Variants in COL22A1 observed in about 807,000 individuals in gnomAD.
COL22A1 encodes collagen alpha-1(XXII) chain.
Under a neutral mutation model 248.9 loss-of-function variants are expected in COL22A1, and 221 were observed. That is an observed-to-expected ratio of 0.89 (90% CI 0.80 to 0.99). COL22A1 has a LOEUF of 0.99. Among genes scored for constraint, COL22A1 ranks in the 50% least tolerant of loss-of-function variants. COL22A1 has a pLI of 0.00. For missense variants in COL22A1, 2,240 were observed against 2,179.0 expected (o/e 1.03, Z -0.56); for synonymous variants, 891 against 793.4 (o/e 1.12, Z -2.07).
intron 1 of COL22A1, among the ~76,000 whole-genome samples, chr8:138,895,634 A>G (rs1198374210): frequency 2.0e-5 from 3 of 152,188 alleles, no homozygotes; most frequent in Non-Finnish European, 4.4e-5. Flanking sequence ...GCAAGAAAAC[A>G]GACTGGAAAA....
chr8:138,751,804 A>G (rs1832629545), intron 21 of COL22A1, among the ~76,000 whole-genome samples: 1 of 152,238 alleles, frequency 6.6e-6, no homozygotes, highest in South Asian at 2.1e-4. Flanking sequence ...CACAAAGCAC[A>G]CAGAAGCGAA....
chr8:138,638,509 T>C (rs915382145), intron 47 of COL22A1, among the ~76,000 whole-genome samples: 3 of 152,202 alleles, frequency 2.0e-5, no homozygotes, highest in African/African-American at 7.2e-5. Flanking sequence ...CAGACTGTTC[T>C]ACCACCTCAG....
At chr8:138,692,256 G>GTGTA (rs1564201653) in intron 35 of COL22A1, among the ~76,000 whole-genome samples, 13 of 115,130 alleles carry the variant, frequency 1.1e-4, no homozygotes, top group Admixed American at 3.5e-4. Context: ...ACGTATGTGT[G>GTGTA]CGTGTGTGCA....
At chr8:138,811,319 A>G (rs1818203299) in intron 9 of COL22A1, among the ~76,000 whole-genome samples, 1 of 149,378 alleles carries the variant, frequency 6.7e-6, no homozygotes, top group South Asian at 2.2e-4. Flanking sequence ...ATACATACAC[A>G]CACATATATA....
chr8:138,604,711 G>A (rs754606875), intron 59 of COL22A1, 23 bp downstream of exon 59: 11 of 1,610,940 alleles, frequency 6.8e-6, no homozygotes, highest in South Asian at 6.6e-5. Context: ...TTGCCAAGGG[G>A]TGAGTGGGCG....
chr8:138,840,838 C>A (rs1326851830), intron 4 of COL22A1, among the ~76,000 whole-genome samples: 1 of 152,142 alleles, frequency 6.6e-6, no homozygotes, highest in Non-Finnish European at 1.5e-5. Context: ...TCTTGAACTC[C>A]TGAGCTTAAG....
intron 7 of COL22A1, among the ~76,000 whole-genome samples, chr8:138,815,977 A>C (rs778402755): frequency 2.0e-5 from 3 of 152,160 alleles, no homozygotes; most frequent in Non-Finnish European, 4.4e-5. Context: ...GTTCAGCAGA[A>C]ACAATAACAA....
rs181587607 is a variant in COL22A1 at position 138,724,818 on chromosome 8, C to T, written c.2194-150G>A. The T allele has an allele frequency of 5.4e-3, 3,827 of 713,568 alleles. 13 individuals carry two copies. Among genetic ancestry groups the T allele is most frequent in the Non-Finnish European group, 7.2e-3 (2,954 of 412,488 alleles). The allele number at this position is 713,568 out of a possible 1,614,324, so 44.2% of individuals were successfully genotyped here. On this transcript the variant is annotated intron_variant, in intron 24 of 64. Transcript: ENST00000303045. ...GTCCTTGGTCATCCGCTGTGAAACG[C>T]GGAGTTGTTGCACCTCTGAAGTTGA...
At chr8:138,909,903 C>T (rs1379485320) in intron 1 of COL22A1, among the ~76,000 whole-genome samples, 2 of 152,172 alleles carry the variant, frequency 1.3e-5, no homozygotes, top group South Asian at 2.1e-4. Flanking sequence ...AATACCAATG[C>T]CCTCTGACCC....
chr8:138,662,225 C>T (rs1587800885), intron 42 of COL22A1, 142 bp from the exon 43 acceptor site: 2 of 656,268 alleles, frequency 3.0e-6, no homozygotes, highest in Non-Finnish European at 5.3e-6. Flanking sequence ...GCCAAAGCAC[C>T]CTGCTCAGAG....
intron 12 of COL22A1, among the ~76,000 whole-genome samples, chr8:138,794,255 T>TGC (rs1816305526): frequency 6.6e-6 from 1 of 152,034 alleles, no homozygotes; most frequent in Non-Finnish European, 1.5e-5. Flanking sequence ...AGCATGGTGA[T>TGC]GCACGCCTGT....
chr8:138,712,910 T>C (rs920179125), intron 30 of COL22A1, among the ~76,000 whole-genome samples: 3 of 152,116 alleles, frequency 2.0e-5, no homozygotes, highest in African/African-American at 7.2e-5. Flanking sequence ...AGAGGGTACA[T>C]GTTCTATCAG....
At chr8:138,705,831 A>G (rs1828381334) in intron 30 of COL22A1, among the ~76,000 whole-genome samples, 1 of 152,190 alleles carries the variant, frequency 6.6e-6, no homozygotes, top group South Asian at 2.1e-4. Context: ...AAAGACACAG[A>G]CTGGCAAATT....
intron 35 of COL22A1, 88 bp downstream of exon 35, chr8:138,693,558 A>C: frequency 1.5e-6 from 2 of 1,374,184 alleles, no homozygotes; most frequent in Non-Finnish European, 2.0e-6. Context: ...TAGCTAGCCC[A>C]GAGCTGTGAG....
chr8:138,833,189 G>T, intron 4 of COL22A1, 39 bp from the exon 5 acceptor site: 1 of 1,427,882 alleles, frequency 7.0e-7, no homozygotes, highest in Non-Finnish European at 9.9e-7. Flanking sequence ...TTTGGAGAAG[G>T]AAGAGTATAA....
At position 138,646,653 on chromosome 8, in the gene COL22A1, C is replaced by A. The variant is rs373272437; in HGVS notation, c.3477G>T (p.Gly1159=). The A allele has an allele frequency of 3.2e-5, 51 of 1,583,754 alleles. No homozygotes were observed. The Admixed American group carries it at 5.1e-4, about 16-fold the overall frequency. The change falls in exon 47 of 65, where the codon GGG becomes GGT. Residue 1159 remains glycine (G), a synonymous_variant. Coordinates refer to ENST00000303045, the MANE Select transcript of COL22A1 (RefSeq NM_152888.3). ...CCTGTGGTCCAGCTATTCCTGGGGG[C>A]CCTGGTAGGCCTGGAGGCCCAGCCT... The part of the protein sequence containing the change: ...KGEAGPPGLP[G]PPGIAGPQGS...
intron 4 of COL22A1, among the ~76,000 whole-genome samples, chr8:138,841,922 A>G (rs1820912758): frequency 6.6e-6 from 1 of 152,194 alleles, no homozygotes; most frequent in South Asian, 2.1e-4. Context: ...TTCCCTTCCT[A>G]TGGCAGGAAA....
chr8:138,761,246 G>A (rs751696753), intron 17 of COL22A1, among the ~76,000 whole-genome samples: 1 of 152,098 alleles, frequency 6.6e-6, no homozygotes, highest in African/African-American at 2.4e-5. Context: ...ATCACCAAGC[G>A]GGTATTTCCA....
At chr8:138,742,964 A>AGGG (rs1831766581) in intron 22 of COL22A1, among the ~76,000 whole-genome samples, 1 of 145,836 alleles carries the variant, frequency 6.9e-6, no homozygotes, top group Admixed American at 6.8e-5. Flanking sequence ...AGAGTTGATG[A>AGGG]TGATGGTAGT....
Sources: gnomAD v4.1 joint callset for allele counts (sites outside exome capture counted in the v4.1 genomes callset) on GRCh38, gnomAD v4.1.1 for gene constraint, MANE v1.5 for transcripts, NCBI Gene and HGNC (gene_info 2026-07-23, HGNC 2026-07-21) for gene names.